Variants in PSMD1 observed in about 807,000 individuals in gnomAD.
PSMD1 encodes 26S proteasome non-ATPase regulatory subunit 1.
Under a neutral mutation model 119.0 loss-of-function variants are expected in PSMD1, and 18 were observed. The observed-to-expected ratio is 0.15, with a 90% CI of 0.10 to 0.22. The LOEUF is 0.22. PSMD1 is among the 10% of genes least tolerant of loss of function. The probability of loss-of-function intolerance (pLI) is 1.00; values close to 1 mark genes in which losing one functional copy is unlikely to be tolerated. For synonymous variants in PSMD1, 374 were observed against 396.6 expected, an observed-to-expected ratio of 0.94 and a Z score of 0.68; for missense variants, 702 against 1,158.5, an observed-to-expected ratio of 0.61 and a Z score of 5.72.
At position 231,083,780 on chromosome 2, in the gene PSMD1, C is replaced by T. The variant is rs1277282899; in HGVS notation, c.1722+17C>T. ...CGTGACAAGGTGAGATCACATACGT[C>T]CCTCACTGTCCATTTATCTCCAGCA... On this transcript the variant is annotated intron_variant, in intron 14 of 24. Coordinates refer to ENST00000308696, the MANE Select transcript of PSMD1 (RefSeq NM_002807.4). 1 of 1,611,502 alleles carries T rather than the reference C, an allele frequency of 6.2e-7. No individual in the cohort carries two copies. Among genetic ancestry groups the T allele is most frequent in the Non-Finnish European group, 8.5e-7 (1 of 1,178,002 alleles).
chr2:231,117,165 A>C (rs1695371101), intron 16 of PSMD1, among the ~76,000 whole-genome samples: 1 of 152,078 alleles, frequency 6.6e-6, no homozygotes, highest in Non-Finnish European at 1.5e-5. Flanking sequence ...AGAATAACTA[A>C]ATTAAAGGTT....
intron 23 of PSMD1, among the ~76,000 whole-genome samples, chr2:231,166,717 C>G (rs1696795125): frequency 6.6e-6 from 1 of 152,096 alleles, no homozygotes; most frequent in Non-Finnish European, 1.5e-5. Context: ...CCAAGACATC[C>G]AGATGCTAGA....
intron 16 of PSMD1, chr2:231,123,892 C>A: frequency 1.4e-6 from 1 of 739,724 alleles, no homozygotes. Context: ...TTGACACCTT[C>A]CTTTAAAAAA....
intron 8 of PSMD1, among the ~76,000 whole-genome samples, chr2:231,076,297 T>C (rs1045128968): frequency 6.6e-6 from 1 of 152,212 alleles, no homozygotes; most frequent in African/African-American, 2.4e-5. Flanking sequence ...GTTGGACTTT[T>C]GGTTCCTGAT....
chr2:231,104,418 G>C (rs1460544839), intron 16 of PSMD1, among the ~76,000 whole-genome samples: 9 of 151,958 alleles, frequency 5.9e-5, no homozygotes, highest in Non-Finnish European at 1.0e-4. Flanking sequence ...GACCATTCTT[G>C]GTTCTCTTTT....
intron 12 of PSMD1, among the ~76,000 whole-genome samples, chr2:231,082,571 G>A (rs542212002): frequency 1.6e-4 from 25 of 152,252 alleles, no homozygotes; most frequent in Non-Finnish European, 2.4e-4. Context: ...CAGGCGTGGT[G>A]GCAGCCACCT....
In PSMD1 at chr2:231,170,452, TCACTTC is replaced by T; in HGVS notation, c.2716-111_2716-106del. The T allele has an allele frequency of 4.3e-6, 5 of 1,174,542 alleles. No individual in the cohort carries two copies. Among genetic ancestry groups the T allele is most frequent in the Non-Finnish European group, 5.8e-6 (5 of 861,962 alleles). The allele number at this position is 1,174,542 out of a possible 1,614,324, so 72.8% of individuals were successfully genotyped here. A position where few individuals can be genotyped will look rare whatever the true frequency, so the allele number is the denominator to read the frequency against. On this transcript the variant is annotated intron_variant, in intron 23 of 24. Coordinates refer to ENST00000308696, the MANE Select transcript of PSMD1 (RefSeq NM_002807.4). This position sits in a 1 kb window ranked among gnomAD's most constrained non-coding sequence, Gnocchi z 4.1. ...CCCAGTAAAGTTCTACTCCAGTTTT[TCACTTC>T]CAAATCATTTAAGTAGTTTTAAAGT...
At chr2:231,147,303 G>C (rs569437005) in intron 18 of PSMD1, among the ~76,000 whole-genome samples, 1 of 152,158 alleles carries the variant, frequency 6.6e-6, no homozygotes, top group Admixed American at 6.5e-5. Flanking sequence ...GGCTAGCCTG[G>C]GCAACATAGG....
chr2:231,101,869 G>A (rs1453599166), intron 16 of PSMD1, among the ~76,000 whole-genome samples: 1 of 152,188 alleles, frequency 6.6e-6, no homozygotes, highest in Non-Finnish European at 1.5e-5. Flanking sequence ...TGCCCAGGCT[G>A]GAGTGCAGTG....
chr2:231,165,834 A>G, intron 22 of PSMD1, 37 bp from the exon 23 acceptor site: 1 of 1,490,708 alleles, frequency 6.7e-7, no homozygotes, highest in Non-Finnish European at 9.1e-7. Flanking sequence ...AACAGAAATG[A>G]ACTTCTGTTG....
chr2:231,064,189 C>T (rs2085871768), intron 4 of PSMD1, among the ~76,000 whole-genome samples: 1 of 152,048 alleles, frequency 6.6e-6, no homozygotes, highest in African/African-American at 2.4e-5. Flanking sequence ...TGGGGTTCAC[C>T]CTTCCTCTAG....
intron 16 of PSMD1, among the ~76,000 whole-genome samples, chr2:231,093,818 G>T (rs1212006724): frequency 6.6e-6 from 1 of 151,892 alleles, no homozygotes; most frequent in Non-Finnish European, 1.5e-5. Flanking sequence ...ATGTTCTACT[G>T]TCCTTGGGGG....
At chr2:231,126,279 G>A (rs1431799505) in intron 16 of PSMD1, among the ~76,000 whole-genome samples, 2 of 151,964 alleles carry the variant, frequency 1.3e-5, no homozygotes, top group Non-Finnish European at 2.9e-5. Flanking sequence ...GTTCACACCC[G>A]TAGTCCCAGC....
At chr2:231,135,023 G>A (rs1195838509) in intron 16 of PSMD1, among the ~76,000 whole-genome samples, 3 of 152,154 alleles carry the variant, frequency 2.0e-5, no homozygotes, top group Non-Finnish European at 4.4e-5. Flanking sequence ...AATTATGGGA[G>A]ACAGAAAATA....
intron 16 of PSMD1, among the ~76,000 whole-genome samples, chr2:231,127,850 AT>A (rs1164367683): frequency 1.3e-5 from 2 of 152,234 alleles, no homozygotes; most frequent in Non-Finnish European, 2.9e-5. Flanking sequence ...TGGAAGCTTC[AT>A]TTGTGTAGAA....
At chr2:231,171,350 A>G (rs1282246487) in intron 24 of PSMD1, among the ~76,000 whole-genome samples, 12 of 152,220 alleles carry the variant, frequency 7.9e-5, no homozygotes, top group Admixed American at 7.9e-4. Flanking sequence ...GTCCATTGAC[A>G]AAGATCATTT....
At chr2:231,169,797 C>G (rs1477093363) in intron 23 of PSMD1, among the ~76,000 whole-genome samples, 1 of 152,124 alleles carries the variant, frequency 6.6e-6, no homozygotes, top group Non-Finnish European at 1.5e-5. Context: ...GATTAGCACA[C>G]TAGAGAGGGG....
chr2:231,131,225 A>AT (rs530215999), intron 16 of PSMD1, among the ~76,000 whole-genome samples: 35 of 151,810 alleles, frequency 2.3e-4, no homozygotes, highest in Non-Finnish European at 4.9e-4. Context: ...TCACATTCAC[A>AT]TTTTTTTTAG....
intron 18 of PSMD1, among the ~76,000 whole-genome samples, chr2:231,152,501 T>C (rs1440007212): frequency 6.6e-6 from 1 of 152,142 alleles, no homozygotes; most frequent in Non-Finnish European, 1.5e-5. Context: ...GAGATGAAGA[T>C]ACTGAGGTTC....
Sources: allele counts gnomAD v4.1 joint callset (sites outside exome capture counted in the v4.1 genomes callset), GRCh38; gene constraint gnomAD v4.1.1; non-coding constraint Gnocchi (gnomAD v3.1); transcripts MANE v1.5; gene names NCBI Gene and HGNC (gene_info 2026-07-23, HGNC 2026-07-21).